Variants in SPAG16 observed in about 807,000 individuals in gnomAD.
SPAG16 encodes sperm-associated antigen 16 protein.
SPAG16 carries 86 observed loss-of-function variants against 80.4 expected under a neutral mutation model. The observed-to-expected ratio is 1.07, with a 90% CI of 0.90 to 1.28. The LOEUF (loss-of-function observed/expected upper bound fraction) is 1.28, where lower values mean the gene tolerates loss of function less well. Among genes scored for constraint, SPAG16 ranks in the 50% most tolerant of loss-of-function variants. SPAG16 has a pLI of 0.00. For synonymous variants in SPAG16, 294 were observed against 265.9 expected (o/e 1.11, Z -1.03); for missense variants, 870 against 765.3 (o/e 1.14, Z -1.61).
chr2:213,346,003 C>T (rs1047763193), intron 6 of SPAG16, among the ~76,000 whole-genome samples: 4 of 152,148 alleles, frequency 2.6e-5, no homozygotes, highest in African/African-American at 7.2e-5. Context: ...TTGATTCTTC[C>T]TACCCATGAG....
intron 11 of SPAG16, among the ~76,000 whole-genome samples, chr2:213,891,816 G>C (rs754490337): frequency 6.6e-5 from 10 of 152,206 alleles, no homozygotes; most frequent in Non-Finnish European, 1.2e-4. Context: ...CCCTCATTCT[G>C]CCTGCCTCCA....
intron 13 of SPAG16, among the ~76,000 whole-genome samples, chr2:214,095,256 CTT>C (rs1294601903): frequency 6.6e-6 from 1 of 151,892 alleles, no homozygotes; most frequent in African/African-American, 2.4e-5. Flanking sequence ...TGTTTTTTAT[CTT>C]TTTTCCCTAG....
chr2:213,539,955 A>G (rs1414239305), intron 10 of SPAG16, among the ~76,000 whole-genome samples: 3 of 152,046 alleles, frequency 2.0e-5, no homozygotes, highest in South Asian at 2.1e-4. Context: ...CGCCTTGGTC[A>G]GCACAATTTT....
At chr2:213,564,565 G>A (rs2059700137) in intron 10 of SPAG16, among the ~76,000 whole-genome samples, 1 of 151,814 alleles carries the variant, frequency 6.6e-6, no homozygotes, top group Admixed American at 6.6e-5. Flanking sequence ...AACAATATAT[G>A]GGTGAAATAT....
chr2:213,390,131 A>G (rs1307119316), intron 9 of SPAG16, among the ~76,000 whole-genome samples: 1 of 152,186 alleles, frequency 6.6e-6, no homozygotes, highest in Non-Finnish European at 1.5e-5. Flanking sequence ...TAAACCAATA[A>G]CAGAAAGACA....
intron 10 of SPAG16, among the ~76,000 whole-genome samples, chr2:213,814,487 C>A (rs1210935203): frequency 1.3e-5 from 2 of 152,148 alleles, no homozygotes; most frequent in African/African-American, 4.8e-5. Flanking sequence ...AAGGATACTT[C>A]AGAAAAATTA....
At chr2:213,336,661 T>C (rs1276043404) in intron 5 of SPAG16, among the ~76,000 whole-genome samples, 2 of 151,814 alleles carry the variant, frequency 1.3e-5, no homozygotes, top group African/African-American at 4.9e-5. Context: ...CACTGATCCA[T>C]TTTTTCTCAC....
chr2:213,743,640 G>A (rs2067684435), intron 10 of SPAG16, among the ~76,000 whole-genome samples: 1 of 152,234 alleles, frequency 6.6e-6, no homozygotes, highest in South Asian at 2.1e-4. Context: ...CTCCTTTGTG[G>A]TAAATTTGTC....
At chr2:213,515,796 G>A (rs1048386535) in intron 10 of SPAG16, among the ~76,000 whole-genome samples, 1 of 152,078 alleles carries the variant, frequency 6.6e-6, no homozygotes, top group Non-Finnish European at 1.5e-5. Flanking sequence ...TAATTTTATG[G>A]GAGCCAGGAA....
chr2:214,259,913 C>T (rs1487704233), intron 15 of SPAG16, among the ~76,000 whole-genome samples: 2 of 152,166 alleles, frequency 1.3e-5, no homozygotes, highest in African/African-American at 4.8e-5. Flanking sequence ...ATTATGAAAG[C>T]TCAGGGACAT....
chr2:214,197,802 G>T, intron 15 of SPAG16, among the ~76,000 whole-genome samples: 1 of 151,540 alleles, frequency 6.6e-6, no homozygotes. Flanking sequence ...TTTTATATGT[G>T]TTTTTCCACT....
intron 10 of SPAG16, among the ~76,000 whole-genome samples, chr2:213,839,735 C>T (rs1458435556): frequency 6.6e-6 from 1 of 152,130 alleles, no homozygotes; most frequent in East Asian, 1.9e-4. Flanking sequence ...AGCATGCATA[C>T]TACCATGTAA....
At chr2:213,844,846 C>G (rs564663761) in intron 10 of SPAG16, among the ~76,000 whole-genome samples, 1 of 152,102 alleles carries the variant, frequency 6.6e-6, no homozygotes, top group South Asian at 2.1e-4. Flanking sequence ...GATTTGCTTT[C>G]CAAATTAAAG....
chr2:214,301,963 G>C (rs1234274986), intron 15 of SPAG16, among the ~76,000 whole-genome samples: 1 of 151,824 alleles, frequency 6.6e-6, no homozygotes, highest in Non-Finnish European at 1.5e-5. Context: ...TATAGGTTTT[G>C]GTATGTTGTG....
chr2:214,014,231 T>C (rs2047472635), intron 13 of SPAG16, among the ~76,000 whole-genome samples, 154 bp downstream of exon 13: 1 of 152,194 alleles, frequency 6.6e-6, no homozygotes, highest in South Asian at 2.1e-4. Flanking sequence ...ATCCTTTCTA[T>C]GCACTTGTAT....
chr2:213,868,720 A>G (rs1219588976), intron 11 of SPAG16, among the ~76,000 whole-genome samples: 2 of 152,196 alleles, frequency 1.3e-5, no homozygotes, highest in African/African-American at 4.8e-5. Context: ...AAACAATTTC[A>G]CAGTGCCACA....
chr2:213,989,206 A>C (rs2046164267), intron 12 of SPAG16, among the ~76,000 whole-genome samples: 2 of 151,960 alleles, frequency 1.3e-5, no homozygotes, highest in African/African-American at 4.8e-5. Context: ...GTGGGCCCTG[A>C]CTCTGTAGCT....
At chr2:214,015,136 G>T (rs1575829002) in intron 13 of SPAG16, among the ~76,000 whole-genome samples, 1 of 152,258 alleles carries the variant, frequency 6.6e-6, no homozygotes, top group Admixed American at 6.5e-5. Flanking sequence ...CAAGGCTGGA[G>T]TTTTCAGCCG....
At chr2:214,404,301 C>G (rs976347161) in intron 15 of SPAG16, among the ~76,000 whole-genome samples, 2 of 152,200 alleles carry the variant, frequency 1.3e-5, no homozygotes, top group Non-Finnish European at 2.9e-5. Flanking sequence ...TCTGCAACTG[C>G]CACACGTGCA....
Sources: gnomAD v4.1 joint callset for allele counts (sites outside exome capture counted in the v4.1 genomes callset) on GRCh38, gnomAD v4.1.1 for gene constraint, MANE v1.5 for transcripts, NCBI Gene and HGNC (gene_info 2026-07-23, HGNC 2026-07-21) for gene names.